Variants in ATP2A3 observed in about 807,000 individuals in gnomAD.
ATP2A3 encodes sarcoplasmic/endoplasmic reticulum calcium ATPase 3.
Under a neutral mutation model 106.8 loss-of-function variants are expected in ATP2A3, and 61 were observed. The observed-to-expected ratio is 0.57, with a 90% CI of 0.46 to 0.71. The LOEUF (loss-of-function observed/expected upper bound fraction) is 0.71. Ranked by LOEUF, ATP2A3 falls within the 30% of genes least tolerant of loss-of-function variation. The probability of loss-of-function intolerance (pLI) is 0.00; values close to 1 mark genes in which losing one functional copy is unlikely to be tolerated. For synonymous variants in ATP2A3, 611 were observed against 609.3 expected (o/e 1.00, Z -0.04); for missense variants, 1,201 against 1,423.5 (o/e 0.84, Z 2.52).
chr17:3,934,209 C>A (rs369179737), intron 17 of ATP2A3, among the ~76,000 whole-genome samples: 24 of 152,060 alleles, frequency 1.6e-4, no homozygotes, highest in African/African-American at 5.1e-4. Flanking sequence ...CAGGCGTGAG[C>A]CACCGCGGCA....
intron 14 of ATP2A3, among the ~76,000 whole-genome samples, chr17:3,938,358 C>T (rs765978502): frequency 2.8e-4 from 42 of 151,922 alleles, no homozygotes; most frequent in South Asian, 8.3e-4. Context: ...CGCTTGAGCC[C>T]GGGAGGCGGA....
chr17:3,927,044 C>A (rs1287778042), intron 20 of ATP2A3: 1 of 985,378 alleles, frequency 1.0e-6, no homozygotes, highest in Non-Finnish European at 1.2e-6. Flanking sequence ...TGAGTGTCAA[C>A]ATCTGTGCTC....
At chr17:3,944,322 C>A (rs558362676) in intron 10 of ATP2A3, among the ~76,000 whole-genome samples, 1 of 152,324 alleles carries the variant, frequency 6.6e-6, no homozygotes, top group East Asian at 1.9e-4. Flanking sequence ...CTGCTGCATG[C>A]CCCATTCCAC....
chr17:3,929,559 C>A lies in ATP2A3; in HGVS notation c.2745-114G>T. 1.1e-6 allele frequency: 1 copy of A among 905,606 alleles called. No homozygotes were observed. The highest frequency in any genetic ancestry group is 1.7e-6 in the Non-Finnish European group (1 of 587,316). 56.1% of individuals were successfully genotyped at this position (905,606 alleles called of 1,614,324 possible). On this transcript the variant is annotated intron_variant, in intron 18 of 20. Transcript: ENST00000397041. This position sits in a 1 kb window ranked among gnomAD's most constrained non-coding sequence, Gnocchi z 4.3. ...TCTAGCGGTGCATTGCTGTTGCCCG[C>A]TCGGCCTGCCAGGGCCTGTCCCGGG...
Position 3,928,576 on chromosome 17 carries a change from C to T in ATP2A3, c.2980+87G>A, listed in dbSNP as rs1056122655. 1.4e-4 allele frequency: 174 copies of T among 1,228,920 alleles called. No homozygotes were observed. In the Middle Eastern group the frequency reaches 1.7e-3, roughly 12 times the overall value. 76.1% of individuals were successfully genotyped at this position (1,228,920 alleles called of 1,614,324 possible). On this transcript the variant is annotated intron_variant, in intron 20 of 20. Coordinates refer to ENST00000397041, the MANE Select transcript of ATP2A3 (RefSeq NM_005173.4). This position sits in a 1 kb window ranked among gnomAD's most constrained non-coding sequence, Gnocchi z 6.1. ...CCGATGTGCAGACAGAGAGGCTCTGCGCTCCACACCCACAGCGTCCACTGC... is the reference window on the plus strand; with the variant it reads ...CCGATGTGCAGACAGAGAGGCTCTGTGCTCCACACCCACAGCGTCCACTGC...
chr17:3,963,541 C>T (rs917256469), intron 1 of ATP2A3, among the ~76,000 whole-genome samples: 2 of 152,212 alleles, frequency 1.3e-5, no homozygotes, highest in South Asian at 2.1e-4. Flanking sequence ...GAAAGGCCTC[C>T]CTGGCAGTTC....
In ATP2A3 at chr17:3,945,118, A is replaced by G; in HGVS notation, c.1126T>C (p.Ser376Pro). ...MFVVAEADAG[S>P]CLLHEFTISG... ...ATGGTGAACTCGTGCAAAAGGCAGG[A>G]GCCCGCATCGGCCTCGGCTACCACG... Residue 376 changes from serine (S) to proline (P), a missense_variant, in exon 9 of 21, where the codon TCC (serine) becomes CCC (proline). Ser to Pro is a moderately conservative substitution (Grantham distance 74). Transcript: ENST00000397041. 2 of 1,548,330 alleles carry G rather than the reference A, an allele frequency of 1.3e-6. No individual in the cohort carries two copies. The highest frequency in any genetic ancestry group is 1.7e-6 in the Non-Finnish European group (2 of 1,145,898).
intron 10 of ATP2A3, 70 bp from the exon 11 acceptor site, chr17:3,943,592 C>T (rs2144524976): frequency 7.5e-6 from 12 of 1,599,570 alleles, no homozygotes; most frequent in Non-Finnish European, 1.0e-5. Flanking sequence ...GCCTCACTCA[C>T]TCCTTGCCCC....
In ATP2A3 at chr17:3,924,702, G is replaced by A; in HGVS notation, c.*720C>T. 6.6e-6 allele frequency: 3 copies of A among 455,472 alleles called. No homozygotes were observed. The highest frequency in any genetic ancestry group is 4.7e-5 in the South Asian group (3 of 64,488). 28.2% of individuals were successfully genotyped at this position (455,472 alleles called of 1,614,324 possible). On this transcript the variant is annotated 3_prime_UTR_variant, in exon 21 of 21. Transcript: ENST00000397041. This position sits in a 1 kb window ranked among gnomAD's most constrained non-coding sequence, Gnocchi z 6.4. ...AGGCGCGCGGGGCTGAGGCAGTCCA[G>A]CCAGGCTTTCCCGACTTGTCTCCCG...
rs1316610996 is a variant in ATP2A3, at chr17:3,964,362, G to A, written c.-71C>T. On this transcript the variant is annotated 5_prime_UTR_variant, in exon 1 of 21. Coordinates refer to ENST00000397041, the MANE Select transcript of ATP2A3 (RefSeq NM_005173.4). ...TCTCCGCCGGGGGGCTACAAAGCGG[G>A]GCGCGGGGGACTCGGGCCCGGGCGG... is the stretch of plus-strand genomic sequence containing the variant. 6.6e-6 allele frequency: 6 copies of A among 908,842 alleles called. No homozygotes were observed. The highest frequency in any genetic ancestry group is 4.7e-4 in the Middle Eastern group (1 of 2,120). 56.3% of individuals were successfully genotyped at this position (908,842 alleles called of 1,614,324 possible).
chr17:3,940,973 T>C lies in ATP2A3; in HGVS notation c.2098A>G (p.Met700Val), dbSNP rs1242482877. 2 of 1,613,880 alleles carry C rather than the reference T, an allele frequency of 1.2e-6. No homozygotes were observed. The highest frequency in any genetic ancestry group is 4.5e-5 in the East Asian group (2 of 44,884). Reference sequence around the variant, plus strand: ...GGGGCTCCAGGCTGTGGCCTCACCATAGCAGTGATCTCGTTAAAGGACTGC... The same window carrying C: ...GGGGCTCCAGGCTGTGGCCTCACCACAGCAGTGATCTCGTTAAAGGACTGC... Reference protein sequence around the residue: ...NLQSFNEITAMTGDGVNDAPA... With the variant: ...NLQSFNEITAVTGDGVNDAPA... The change falls in exon 14 of 21, where the codon ATG (methionine) becomes GTG (valine). Residue 700 changes from methionine (M) to valine (V), a missense_variant and splice_region_variant. By Grantham distance (21) the Met-to-Val change is conservative (BLOSUM62 1). Coordinates refer to ENST00000397041, the MANE Select transcript of ATP2A3 (RefSeq NM_005173.4).
rs766704054 is a variant in ATP2A3 at position 3,928,750 on chromosome 17, G to A, written c.2893C>T (p.Arg965Cys). ...ATCTGGAGCACCACCACCCACTGGC[G>A]CCCGCTCAGTGGGGTCACCTGGAAA... ...LIFQVTPLSG[R>C]QWVVVLQISL... Residue 965 changes from arginine (R) to cysteine (C), a missense_variant, in exon 20 of 21, where the codon CGC becomes TGC. Arg to Cys is a radical substitution (Grantham distance 180). Around this residue, in one of 2 missense-constraint regions of ATP2A3, gnomAD observed 935 missense variants for 1,176.7 expected, o/e 0.79. Transcript: ENST00000397041. This position sits in a 1 kb window ranked among gnomAD's most constrained non-coding sequence, Gnocchi z 6.1. The A allele has an allele frequency of 1.9e-5, 29 of 1,552,850 alleles. No homozygotes were observed. The highest frequency in any genetic ancestry group is 1.7e-4 in the Middle Eastern group (1 of 6,018).
chr17:3,947,958 G>A lies in ATP2A3; in HGVS notation c.631-103C>T. The A allele has an allele frequency of 8.4e-7, 1 of 1,190,900 alleles. No homozygotes were observed. The highest frequency in any genetic ancestry group is 1.2e-6 in the Non-Finnish European group (1 of 837,928). 73.8% of individuals were successfully genotyped at this position (1,190,900 alleles called of 1,614,324 possible). A position where few individuals can be genotyped will look rare whatever the true frequency, so the allele number is the denominator to read the frequency against. On this transcript the variant is annotated intron_variant, in intron 7 of 20. Coordinates refer to ENST00000397041, the MANE Select transcript of ATP2A3 (RefSeq NM_005173.4). This position sits in a 1 kb window ranked among gnomAD's most constrained non-coding sequence, Gnocchi z 7.7. The stretch of plus-strand genomic sequence containing the variant: ...AATAAGGCACTTATCCTTCTACCCG[G>A]CTTTCCTTTTCTCCATGTTGCTAGT...
rs533679427 is a variant in ATP2A3, at chr17:3,943,270, T to A, written c.1419+121A>T. ...CTGGGCGACAGAATGAGACTCCGTC[T>A]CAAAAAAAAAAAAAAACAAAACGAA... is the stretch of plus-strand genomic sequence containing the variant. On this transcript the variant is annotated intron_variant, in intron 11 of 20. Coordinates refer to ENST00000397041, the MANE Select transcript of ATP2A3 (RefSeq NM_005173.4). 7.5e-6 allele frequency: 9 copies of A among 1,207,886 alleles called. No individual in the cohort carries two copies. In the African/African-American group the frequency reaches 1.1e-4, roughly 15 times the overall value. The allele number at this position is 1,207,886 out of a possible 1,614,324, so 74.8% of individuals were successfully genotyped here.
At chr17:3,933,147 G>A (rs1343426463) in intron 17 of ATP2A3, among the ~76,000 whole-genome samples, 1 of 151,590 alleles carries the variant, frequency 6.6e-6, no homozygotes, top group Non-Finnish European at 1.5e-5. Flanking sequence ...CAGGCATGAT[G>A]GCGGGTGCCT....
chr17:3,944,398 G>A (rs151307974), intron 10 of ATP2A3, among the ~76,000 whole-genome samples: 374 of 152,230 alleles, frequency 2.5e-3, no homozygotes, highest in African/African-American at 8.3e-3. Context: ...TTTGTGGGCT[G>A]TGTCTTCTGC....
chr17:3,962,035 C>A (rs537502337), intron 1 of ATP2A3, among the ~76,000 whole-genome samples: 75 of 152,310 alleles, frequency 4.9e-4, no homozygotes, highest in African/African-American at 1.5e-3. Context: ...CTAAAGACTT[C>A]TAGAGCCCTG....
At chr17:3,940,894 A>T (rs1567695161) in intron 14 of ATP2A3, 77 bp downstream of exon 14, 6 of 1,478,642 alleles carry the variant, frequency 4.1e-6, no homozygotes, top group Non-Finnish European at 5.7e-6. Context: ...CAGAGGGGAG[A>T]GTTGCACGGC....
At chr17:3,950,412 C>A (rs1439990774) in intron 7 of ATP2A3, 99 bp downstream of exon 7, 1 of 1,332,400 alleles carries the variant, frequency 7.5e-7, no homozygotes, top group Non-Finnish European at 1.1e-6. Context: ...GATCCACCCA[C>A]CTCAGCCTCC....
Sources: allele counts gnomAD v4.1 joint callset (sites outside exome capture counted in the v4.1 genomes callset), GRCh38; gene constraint gnomAD v4.1.1; regional missense constraint gnomAD v4.1.1; non-coding constraint Gnocchi (gnomAD v3.1); transcripts MANE v1.5; gene names NCBI Gene and HGNC (gene_info 2026-07-23, HGNC 2026-07-21).